HCFC2: variants seen among roughly 807,000 people sequenced by gnomAD.
The protein encoded by HCFC2 is host cell factor C2.
Under a neutral mutation model 89.2 loss-of-function variants are expected in HCFC2, and 18 were observed. That is an observed-to-expected ratio of 0.20 (90% confidence interval 0.14 to 0.30). The LOEUF is 0.30. HCFC2 is among the 10% of genes least tolerant of loss of function. HCFC2 has a pLI of 1.00. For missense variants in HCFC2, 578 were observed against 956.1 expected (o/e 0.60, Z 5.21); for synonymous variants, 308 against 335.7 (o/e 0.92, Z 0.90).
At chr12:104,076,417 C>T (rs1883496799) in intron 3 of HCFC2, among the ~76,000 whole-genome samples, 1 of 144,682 alleles carries the variant, frequency 6.9e-6, no homozygotes, top group Non-Finnish European at 1.5e-5. Flanking sequence ...AACTTGTGTA[C>T]ATCGTTTTGT....
At chr12:104,069,010 G>A (rs977044835) in intron 3 of HCFC2, among the ~76,000 whole-genome samples, 1 of 151,976 alleles carries the variant, frequency 6.6e-6, no homozygotes, top group Non-Finnish European at 1.5e-5. Flanking sequence ...TGGGGCATGA[G>A]CAGCTGTAGT....
chr12:104,069,580 C>T (rs1883256153), intron 3 of HCFC2, among the ~76,000 whole-genome samples: 1 of 149,028 alleles, frequency 6.7e-6, no homozygotes, highest in African/African-American at 2.5e-5. Flanking sequence ...TTCTTTGTGT[C>T]TGTCTTATTT....
rs577822336 is a variant in HCFC2 at position 104,094,474 on chromosome 12, A to G, written c.1463-886A>G. On this transcript the variant is annotated intron_variant, in intron 10 of 14. Transcript: ENST00000229330. ...TTATTTCACCATTATAAAAACAAATACAATGTCTCATACATGGTAGACTTC... is the reference window on the plus strand; with the variant it reads ...TTATTTCACCATTATAAAAACAAATGCAATGTCTCATACATGGTAGACTTC... 2.0e-4 allele frequency among the ~76,000 whole-genome samples: 31 copies of G among 152,288 alleles called. No individual in the cohort carries two copies. In the South Asian group the frequency reaches 6.0e-3, roughly 30 times the overall value.
chr12:104,089,850 A>T lies in HCFC2; in HGVS notation c.1284+1812A>T, dbSNP rs148765923. Among the ~76,000 whole-genome samples the T allele has an allele frequency of 5.9e-5, 9 of 152,240 alleles. No individual in the cohort carries two copies. In the East Asian group the frequency reaches 1.7e-3, roughly 29 times the overall value. ...TTGCTTAGTTTTCTTCTTGTCTATC[A>T]TTAATTCATACTCAAATTTTCTAAA... On this transcript the variant is annotated intron_variant, in intron 9 of 14. Transcript: ENST00000229330.
intron 10 of HCFC2, 107 bp downstream of exon 10, chr12:104,093,670 CA>C: frequency 2.2e-6 from 2 of 906,258 alleles, no homozygotes; most frequent in East Asian, 2.6e-5. Context: ...TTCCTAATAG[CA>C]AAAAACTGCC....
chr12:104,085,458 G>A (rs1175627289), intron 7 of HCFC2, among the ~76,000 whole-genome samples: 2 of 152,148 alleles, frequency 1.3e-5, no homozygotes, highest in Non-Finnish European at 2.9e-5. Context: ...GTGTATGACT[G>A]AATTTTTCTC....
intron 3 of HCFC2, among the ~76,000 whole-genome samples, chr12:104,076,028 T>C (rs1199072890): frequency 2.6e-5 from 4 of 152,262 alleles, no homozygotes; most frequent in Non-Finnish European, 4.4e-5. Flanking sequence ...AAATGTGGTC[T>C]ATAAAGATGT....
In HCFC2 at chr12:104,103,633, T is replaced by C; in HGVS notation, c.*360T>C. ...ATTCTGGTAACTGGCTGTTGTATAC[T>C]ATGCTGTCTTATATAGTAAATGTTC... On this transcript the variant is annotated 3_prime_UTR_variant, in exon 15 of 15. Coordinates refer to ENST00000229330, the MANE Select transcript of HCFC2 (RefSeq NM_013320.3). 2.3e-5 allele frequency: 5 copies of C among 216,210 alleles called. No individual in the cohort carries two copies. The South Asian group carries it at 4.2e-4, about 18-fold the overall frequency. 13.4% of individuals were successfully genotyped at this position (216,210 alleles called of 1,614,324 possible). A position where few individuals can be genotyped will look rare whatever the true frequency, so the allele number is the denominator to read the frequency against.
intron 9 of HCFC2, 52 bp downstream of exon 9, chr12:104,088,090 A>G: frequency 7.7e-7 from 1 of 1,303,370 alleles, no homozygotes; most frequent in Non-Finnish European, 1.1e-6. Context: ...TATAGTCTCA[A>G]TTTTTATTCA....
chr12:104,070,980 T>G (rs1250026726), intron 3 of HCFC2, among the ~76,000 whole-genome samples: 1 of 151,956 alleles, frequency 6.6e-6, no homozygotes, highest in Non-Finnish European at 1.5e-5. Flanking sequence ...AATTTTTTTG[T>G]GTTTTTTAGT....
chr12:104,071,144 T>C (rs1883313877), intron 3 of HCFC2, among the ~76,000 whole-genome samples: 1 of 152,208 alleles, frequency 6.6e-6, no homozygotes, highest in Non-Finnish European at 1.5e-5. Context: ...TAAAAAACTT[T>C]TTCCATTAAA....
chr12:104,088,785 A>T (rs926298621), intron 9 of HCFC2, among the ~76,000 whole-genome samples: 2 of 152,224 alleles, frequency 1.3e-5, no homozygotes, highest in Non-Finnish European at 2.9e-5. Context: ...AGCCTGTCAT[A>T]TTAGACATAA....
intron 3 of HCFC2, among the ~76,000 whole-genome samples, chr12:104,077,084 C>A (rs1049828058): frequency 1.3e-5 from 2 of 152,084 alleles, no homozygotes; most frequent in Admixed American, 6.6e-5. Flanking sequence ...ATCTTTTTAT[C>A]TGTGTCTGTT....
chr12:104,083,060 A>G (rs1285722906), intron 7 of HCFC2, among the ~76,000 whole-genome samples, 159 bp downstream of exon 7: 5 of 152,238 alleles, frequency 3.3e-5, no homozygotes, highest in Admixed American at 2.0e-4. Context: ...CCTGAGAAGT[A>G]TATAATTATC....
At chr12:104,066,109 A>G in intron 1 of HCFC2, 58 bp from the exon 2 acceptor site, 1 of 1,510,544 alleles carries the variant, frequency 6.6e-7, no homozygotes, top group Non-Finnish European at 9.1e-7. Context: ...ATATTTGCTG[A>G]TAGTATATGA....
intron 3 of HCFC2, among the ~76,000 whole-genome samples, chr12:104,069,132 C>T (rs933828957): frequency 1.3e-5 from 2 of 151,964 alleles, no homozygotes; most frequent in African/African-American, 4.8e-5. Context: ...ATGGCAAAAC[C>T]CCATCTCTAC....
intron 14 of HCFC2, among the ~76,000 whole-genome samples, chr12:104,102,707 T>G (rs2029986548): frequency 1.3e-5 from 2 of 152,212 alleles, no homozygotes; most frequent in Admixed American, 1.3e-4. Flanking sequence ...GTTTAGGAAA[T>G]AAAAATCCCT....
intron 3 of HCFC2, among the ~76,000 whole-genome samples, chr12:104,078,080 G>A (rs986817039): frequency 2.6e-5 from 4 of 152,138 alleles, no homozygotes; most frequent in South Asian, 4.1e-4. Flanking sequence ...CTCACTGCAA[G>A]CTCTGCCTCC....
In HCFC2 at chr12:104,106,395, A is replaced by G. The variant is rs1448133798; in HGVS notation, c.*3122A>G. On this transcript the variant is annotated 3_prime_UTR_variant, in exon 15 of 15. Coordinates refer to ENST00000229330, the MANE Select transcript of HCFC2 (RefSeq NM_013320.3). ...GATCATAAATGAAGTAGCTTGCAAAATAGACTTGGTCTTTGACCCTTTAAG... is the reference window on the plus strand; with the variant it reads ...GATCATAAATGAAGTAGCTTGCAAAGTAGACTTGGTCTTTGACCCTTTAAG... The G allele has an allele frequency of 6.6e-6, 1 of 152,170 alleles. No homozygotes were observed. The highest frequency in any genetic ancestry group is 1.5e-5 in the Non-Finnish European group (1 of 67,988). The allele number at this position is 152,170 out of a possible 1,614,324, so 9.4% of individuals were successfully genotyped here.
Sources: gnomAD v4.1 joint callset for allele counts (sites outside exome capture counted in the v4.1 genomes callset) on GRCh38, gnomAD v4.1.1 for gene constraint, MANE v1.5 for transcripts, NCBI Gene and HGNC (gene_info 2026-07-23, HGNC 2026-07-21) for gene names.